Variants in KCNIP4 observed in about 807,000 individuals in gnomAD.
KCNIP4 encodes potassium voltage-gated channel interacting protein 4.
In KCNIP4, 12 loss-of-function variants were observed where a neutral mutation model predicts 34.0. The ratio of observed to expected loss-of-function variants is 0.35; its 90% confidence interval spans 0.23 to 0.57. The LOEUF (loss-of-function observed/expected upper bound fraction) is 0.57, where lower values mean the gene tolerates loss of function less well. KCNIP4 is among the 20% of genes least tolerant of loss of function. KCNIP4 has a pLI of 0.83. For missense variants in KCNIP4, 238 were observed against 311.7 expected (o/e 0.76, Z 1.78); for synonymous variants, 124 against 102.2 (o/e 1.21, Z -1.29).
At chr4:21,845,687 C>G (rs1204479160) in intron 1 of KCNIP4, 1 of 152,016 alleles carries the variant, frequency 6.6e-6, no homozygotes, top group Non-Finnish European at 1.5e-5. Context: ...AAACTTAACC[C>G]TTTCGATTCG....
At chr4:20,778,318 C>A (rs2149388203) in intron 3 of KCNIP4, among the ~76,000 whole-genome samples, 1 of 152,262 alleles carries the variant, frequency 6.6e-6, no homozygotes, top group East Asian at 1.9e-4. Flanking sequence ...GTTAATACAA[C>A]CATAACATTG....
chr4:21,776,540 C>T (rs1372407754), intron 1 of KCNIP4, among the ~76,000 whole-genome samples: 1 of 152,122 alleles, frequency 6.6e-6, no homozygotes. Flanking sequence ...TCTAATTTAT[C>T]CTTTCCTAAG....
intron 1 of KCNIP4, among the ~76,000 whole-genome samples, chr4:21,510,552 A>C (rs1360775299): frequency 6.6e-6 from 1 of 152,172 alleles, no homozygotes; most frequent in East Asian, 1.9e-4. Flanking sequence ...CTGATAACAC[A>C]ATGGAATAAT....
In KCNIP4 at chr4:20,728,929, T is replaced by TAATC. The variant is rs1746908125; in HGVS notation, c.*1149_*1152dup. 6.7e-6 allele frequency: 1 copy of TAATC among 149,354 alleles called. No homozygotes were observed. The highest frequency in any genetic ancestry group is 1.5e-5 in the Non-Finnish European group (1 of 67,198). The allele number at this position is 149,354 out of a possible 1,614,324, so 9.3% of individuals were successfully genotyped here. A position where few individuals can be genotyped will look rare whatever the true frequency, so the allele number is the denominator to read the frequency against. ...CAGTTTTGGCTAAGATGATTAAAAA[T>TAATC]AATCTGAATTATGATGAGCTAAATC... On this transcript the variant is annotated 3_prime_UTR_variant, in exon 9 of 9. Coordinates refer to ENST00000382152, the MANE Select transcript of KCNIP4 (RefSeq NM_025221.6).
intron 1 of KCNIP4, among the ~76,000 whole-genome samples, chr4:21,043,953 G>A (rs1197023812): frequency 1.3e-5 from 2 of 152,066 alleles, no homozygotes; most frequent in Non-Finnish European, 2.9e-5. Context: ...ACAGCAAAAT[G>A]CCATTGGTTT....
chr4:20,999,792 A>T (rs1353579344), intron 1 of KCNIP4, among the ~76,000 whole-genome samples: 1 of 152,206 alleles, frequency 6.6e-6, no homozygotes, highest in African/African-American at 2.4e-5. Context: ...AGAAAAAAAA[A>T]TACCATTTCT....
At position 20,926,957 on chromosome 4, in the gene KCNIP4, T is replaced by C. The variant is rs372227572; in HGVS notation, c.62-44248A>G. 1.7e-4 allele frequency among the ~76,000 whole-genome samples: 26 copies of C among 152,286 alleles called. No homozygotes were observed. In the South Asian group the frequency reaches 3.3e-3, roughly 19 times the overall value. Reference sequence around the variant, plus strand: ...CCACAATTAGTATCATGAAATCTTATTGTAATTTTCTTTCTTTCTTTCTGT... The same window carrying C: ...CCACAATTAGTATCATGAAATCTTACTGTAATTTTCTTTCTTTCTTTCTGT... On this transcript the variant is annotated intron_variant, in intron 1 of 8. Coordinates refer to ENST00000382152, the MANE Select transcript of KCNIP4 (RefSeq NM_025221.6).
At chr4:21,314,578 T>C (rs1390795287) in intron 1 of KCNIP4, among the ~76,000 whole-genome samples, 1 of 152,164 alleles carries the variant, frequency 6.6e-6, no homozygotes, top group East Asian at 1.9e-4. Flanking sequence ...ATCTCATGCA[T>C]TTTTCAAACT....
intron 1 of KCNIP4, among the ~76,000 whole-genome samples, chr4:21,122,332 T>G (rs924317846): frequency 6.6e-6 from 1 of 151,944 alleles, no homozygotes; most frequent in Admixed American, 6.6e-5. Flanking sequence ...TCTTTTTAAG[T>G]GCGTATACGT....
chr4:21,533,901 T>C (rs1736928600), intron 1 of KCNIP4, among the ~76,000 whole-genome samples: 2 of 152,158 alleles, frequency 1.3e-5, no homozygotes, highest in Admixed American at 6.5e-5. Context: ...ACACATTAGA[T>C]ACAGGATAGA....
At chr4:20,831,651 T>A (rs971050773) in intron 3 of KCNIP4, among the ~76,000 whole-genome samples, 1 of 152,196 alleles carries the variant, frequency 6.6e-6, no homozygotes, top group Non-Finnish European at 1.5e-5. Context: ...ATGTAACCTG[T>A]CCAATAAATC....
chr4:21,524,794 A>AT (rs139681391), intron 1 of KCNIP4, among the ~76,000 whole-genome samples: 8,234 of 150,226 alleles, frequency 0.055, 507 homozygotes, highest in East Asian at 0.22. Flanking sequence ...TTGACTAGTG[A>AT]TTTTTTTTTT....
At chr4:21,941,243 T>G (rs1197031742) in intron 1 of KCNIP4, among the ~76,000 whole-genome samples, 1 of 152,134 alleles carries the variant, frequency 6.6e-6, no homozygotes, top group African/African-American at 2.4e-5. Context: ...AATAAGATTT[T>G]CAGACATCTT....
intron 1 of KCNIP4, among the ~76,000 whole-genome samples, chr4:21,049,371 C>G (rs995388015): frequency 5.3e-5 from 8 of 152,068 alleles, no homozygotes; most frequent in Non-Finnish European, 7.4e-5. Context: ...GTTTTAAGCC[C>G]GTAAGTTTTG....
chr4:21,824,065 T>C (rs1043265208), intron 1 of KCNIP4, among the ~76,000 whole-genome samples: 4 of 152,166 alleles, frequency 2.6e-5, no homozygotes, highest in Admixed American at 2.6e-4. Flanking sequence ...TGAAGAAGCC[T>C]GGGCTAGCCT....
chr4:21,878,391 G>C (rs966244071), intron 1 of KCNIP4, among the ~76,000 whole-genome samples: 1 of 152,012 alleles, frequency 6.6e-6, no homozygotes, highest in African/African-American at 2.4e-5. Context: ...CTTTTGATTT[G>C]AAGATCACTG....
At chr4:21,678,743 C>T (rs1406907450) in intron 1 of KCNIP4, among the ~76,000 whole-genome samples, 1 of 152,158 alleles carries the variant, frequency 6.6e-6, no homozygotes, top group Admixed American at 6.5e-5. Flanking sequence ...TGACCAAATG[C>T]CATTCTCTGA....
chr4:21,610,018 A>T (rs1744024281), intron 1 of KCNIP4, among the ~76,000 whole-genome samples: 1 of 152,256 alleles, frequency 6.6e-6, no homozygotes, highest in South Asian at 2.1e-4. Context: ...AGAAACTGTT[A>T]TATTTAGGAG....
chr4:21,764,427 G>A (rs1410266915), intron 1 of KCNIP4, among the ~76,000 whole-genome samples: 2 of 152,160 alleles, frequency 1.3e-5, no homozygotes, highest in Non-Finnish European at 2.9e-5. Flanking sequence ...GAAAGTGGAA[G>A]AAGAGTGAGC....
Sources: gnomAD v4.1 joint callset for allele counts (sites outside exome capture counted in the v4.1 genomes callset) on GRCh38, gnomAD v4.1.1 for gene constraint, MANE v1.5 for transcripts, NCBI Gene and HGNC (gene_info 2026-07-23, HGNC 2026-07-21) for gene names.